Variants in HIBCH observed in about 807,000 individuals in gnomAD.
HIBCH encodes the protein 3-hydroxyisobutyryl-CoA hydrolase, mitochondrial.
A neutral mutation model predicts 58.2 loss-of-function variants in HIBCH; 50 were observed. The observed-to-expected ratio is 0.86, with a 90% CI of 0.68 to 1.09. HIBCH has a LOEUF of 1.09. HIBCH is among the 50% of genes least tolerant of loss of function. The pLI, the probability that HIBCH is intolerant of heterozygous loss-of-function variation, is 0.00. For missense variants in HIBCH, 450 were observed against 449.7 expected (o/e 1.00, Z -0.01); for synonymous variants, 151 against 146.9 (o/e 1.03, Z -0.20).
rs1575696585 is a variant in HIBCH, at chr2:190,214,016, T to C, written c.892-941A>G. The stretch of plus-strand genomic sequence containing the variant: ...GACGGGTGAATTGTTTCTCACAACC[T>C]GGTGGCCCATACGGCTATCTCTGTG... On this transcript the variant is annotated intron_variant, in intron 11 of 13. Coordinates refer to ENST00000359678, the MANE Select transcript of HIBCH (RefSeq NM_014362.4). This position sits in a 1 kb window ranked among gnomAD's most constrained non-coding sequence, Gnocchi z 5.5. 1 of 152,196 alleles carries C rather than the reference T, an allele frequency of 6.6e-6. No homozygotes were observed. The highest frequency in any genetic ancestry group is 6.5e-5 in the Admixed American group (1 of 15,276). The allele number at this position is 152,196 out of a possible 1,614,324, so 9.4% of individuals were successfully genotyped here. A position where few individuals can be genotyped will look rare whatever the true frequency, so the allele number is the denominator to read the frequency against.
chr2:190,284,287 C>T (rs1367601348), intron 6 of HIBCH, among the ~76,000 whole-genome samples: 1 of 152,056 alleles, frequency 6.6e-6, no homozygotes, highest in Non-Finnish European at 1.5e-5. Flanking sequence ...TATATACAAA[C>T]ATTATACCAA....
In HIBCH at chr2:190,197,843, CAG is replaced by C. The variant is rs1231238812; in HGVS notation, c.*17+7255_*17+7256del. ...TTGCAAAACAAAAGGTCTTAAAAAA[CAG>C]AATATTCTGATGGTTCCACTGATGG... On this transcript the variant is annotated intron_variant, in intron 1 of 1. Transcript: ENST00000399855. The surrounding 1 kb of genome is among the most constrained non-coding windows in gnomAD (Gnocchi z 4.0). Among the ~76,000 whole-genome samples the C allele has an allele frequency of 6.6e-6, 1 of 152,194 alleles. No homozygotes were observed. The highest frequency in any genetic ancestry group is 2.4e-5 in the African/African-American group (1 of 41,452).
rs561816659 is a variant in HIBCH at position 190,281,803 on chromosome 2, T to C, written c.438+5783A>G. On this transcript the variant is annotated intron_variant, in intron 6 of 13. Transcript: ENST00000359678. This position sits in a 1 kb window ranked among gnomAD's most constrained non-coding sequence, Gnocchi z 5.4. ...CAGCCTGAATGCTTTGCGGATTAGATAGATCTTCTTCCAGGCATTCTAATT... is the reference window on the plus strand; with the variant it reads ...CAGCCTGAATGCTTTGCGGATTAGACAGATCTTCTTCCAGGCATTCTAATT... Among the ~76,000 whole-genome samples the C allele has an allele frequency of 3.3e-5, 5 of 152,212 alleles. No individual in the cohort carries two copies. The highest frequency in any genetic ancestry group is 4.4e-5 in the Non-Finnish European group (3 of 68,032).
chr2:190,200,502 AT>A (rs1413240630), downstream of HIBCH: 1 of 179,782 alleles, frequency 5.6e-6, no homozygotes, highest in Non-Finnish European at 1.2e-5. Flanking sequence ...ATCCTTTAAA[AT>A]AACAATTTTT....
At chr2:190,319,567 C>A (rs975347970) in intron 1 of HIBCH, 149 bp downstream of exon 1, 3 of 704,614 alleles carry the variant, frequency 4.3e-6, no homozygotes, top group South Asian at 3.2e-5. Context: ...GGGGCTGGGG[C>A]TTGGGGAGGG....
intron 8 of HIBCH, chr2:190,250,372 TA>T: frequency 2.1e-6 from 1 of 470,294 alleles, no homozygotes; most frequent in South Asian, 1.6e-5. Context: ...TTTTTACACT[TA>T]CCATACTTTA....
intron 11 of HIBCH, among the ~76,000 whole-genome samples, chr2:190,218,641 C>A (rs941659865): frequency 1.3e-5 from 2 of 152,176 alleles, no homozygotes; most frequent in Non-Finnish European, 2.9e-5. Context: ...ATTTTCAGTA[C>A]TAGCTCTTAA....
chr2:190,288,016 T>C (rs917412677), intron 5 of HIBCH, among the ~76,000 whole-genome samples: 1 of 151,618 alleles, frequency 6.6e-6, no homozygotes, highest in Admixed American at 6.6e-5. Flanking sequence ...CCAGGTGTGG[T>C]GGCAGGCACC....
Position 190,206,183 on chromosome 2 carries a change from T to C in HIBCH, c.1046-951A>G, listed in dbSNP as rs1353563524. On this transcript the variant is annotated intron_variant, in intron 13 of 13. Coordinates refer to ENST00000359678, the MANE Select transcript of HIBCH (RefSeq NM_014362.4). The surrounding 1 kb of genome is among the most constrained non-coding windows in gnomAD (Gnocchi z 5.1). ...CAAGGAAGAAGACTGCCTTGGTAGG[T>C]GGAGGGAAGCTTTTACATACAATTA... Among the ~76,000 whole-genome samples, 2 of 152,110 alleles carry C rather than the reference T, an allele frequency of 1.3e-5. No individual in the cohort carries two copies. Among genetic ancestry groups the C allele is most frequent in the Non-Finnish European group, 1.5e-5 (1 of 68,008 alleles).
chr2:190,233,597 G>T (rs1445735896), intron 11 of HIBCH, among the ~76,000 whole-genome samples: 2 of 152,040 alleles, frequency 1.3e-5, no homozygotes, highest in African/African-American at 2.4e-5. Context: ...CCTGGTCTGG[G>T]GTACATCTTT....
chr2:190,246,896 C>T (rs1686623756), intron 9 of HIBCH, among the ~76,000 whole-genome samples: 1 of 152,004 alleles, frequency 6.6e-6, no homozygotes, highest in Non-Finnish European at 1.5e-5. Context: ...TTCTGCAGGC[C>T]CTTGATTGCT....
chr2:190,293,509 A>G (rs1357211159), intron 4 of HIBCH, among the ~76,000 whole-genome samples: 1 of 152,164 alleles, frequency 6.6e-6, no homozygotes, highest in African/African-American at 2.4e-5. Context: ...TTGTAGGCAA[A>G]ACAACAGATT....
In HIBCH at chr2:190,252,187, G is replaced by C. The variant is rs1342579968; in HGVS notation, c.638C>G (p.Ala213Gly). The change falls in exon 8 of 14, where the codon GCT (alanine) becomes GGT (glycine). Residue 213 changes from alanine to glycine, a missense_variant. Transcript: ENST00000359678. ...KGRDVYRAGI[A>G]THFVDSEKLA... is the part of the protein sequence containing the mutation. ...CTTTTCAGAATCTACAAAGTGTGTAGCAATTCCTGCTCTGTACACATCTCT... is the reference window on the plus strand; with the variant it reads ...CTTTTCAGAATCTACAAAGTGTGTACCAATTCCTGCTCTGTACACATCTCT... 7 of 1,613,672 alleles carry C rather than the reference G, an allele frequency of 4.3e-6. No homozygotes were observed. The African/African-American group carries it at 5.3e-5, about 12-fold the overall frequency.
intron 2 of HIBCH, among the ~76,000 whole-genome samples, chr2:190,308,360 C>T (rs1364897649): frequency 6.6e-6 from 1 of 152,112 alleles, no homozygotes; most frequent in Non-Finnish European, 1.5e-5. Context: ...CGAGTATTTG[C>T]CCCCTCCCAA....
intron 2 of HIBCH, among the ~76,000 whole-genome samples, chr2:190,307,588 G>C (rs1169409981): frequency 6.6e-6 from 1 of 152,130 alleles, no homozygotes; most frequent in Non-Finnish European, 1.5e-5. Context: ...AGGATCACCT[G>C]AGCCTAGGAG....
At chr2:190,288,378 G>T (rs990003797) in intron 5 of HIBCH, among the ~76,000 whole-genome samples, 1 of 151,018 alleles carries the variant, frequency 6.6e-6, no homozygotes, top group Non-Finnish European at 1.5e-5. Context: ...TGTAGAAAAA[G>T]CATCTTAAAG....
chr2:190,272,880 A>G (rs1687441090), intron 6 of HIBCH, among the ~76,000 whole-genome samples: 1 of 152,198 alleles, frequency 6.6e-6, no homozygotes, highest in African/African-American at 2.4e-5. Flanking sequence ...AGCTAAAAAA[A>G]ACAAGGGCTC....
intron 4 of HIBCH, 53 bp from the exon 5 acceptor site, chr2:190,290,538 T>A: frequency 1.8e-6 from 2 of 1,086,470 alleles, no homozygotes; most frequent in Non-Finnish European, 2.8e-6. Context: ...GTCAACATTG[T>A]CAACTAGATC....
At chr2:190,260,757 T>C (rs937144792) in intron 7 of HIBCH, among the ~76,000 whole-genome samples, 1 of 152,172 alleles carries the variant, frequency 6.6e-6, no homozygotes, top group African/African-American at 2.4e-5. Flanking sequence ...TGTATTTCCA[T>C]ATACAAAATA....
Sources: gnomAD v4.1 joint callset for allele counts (sites outside exome capture counted in the v4.1 genomes callset) on GRCh38, gnomAD v4.1.1 for gene constraint, Gnocchi (gnomAD v3.1) non-coding constraint, MANE v1.5 for transcripts, NCBI Gene and HGNC (gene_info 2026-07-23, HGNC 2026-07-21) for gene names.